The following RIN3 variants were observed in gnomAD, a reference collection of about 807,000 sequenced individuals.
RIN3 encodes RAB5 interacting protein 3.
In RIN3, 54 loss-of-function variants were observed where a neutral mutation model predicts 76.3. That is an observed-to-expected ratio of 0.71 (90% CI 0.57 to 0.89). The LOEUF (loss-of-function observed/expected upper bound fraction) is 0.89, where lower values mean the gene tolerates loss of function less well. Among genes scored for constraint, RIN3 ranks in the 40% least tolerant of loss-of-function variants. The pLI, the probability that RIN3 is intolerant of heterozygous loss-of-function variation, is 0.00. For missense variants in RIN3, 1,256 were observed against 1,322.1 expected, an observed-to-expected ratio of 0.95 and a Z score of 0.78; for synonymous variants, 576 against 564.0, an observed-to-expected ratio of 1.02 and a Z score of -0.30.
intron 6 of RIN3, among the ~76,000 whole-genome samples, chr14:92,658,494 G>A (rs1182753282): frequency 6.6e-6 from 1 of 152,172 alleles, no homozygotes. Context: ...ATGGGAGATG[G>A]GGGCCGTTGG....
intron 1 of RIN3, among the ~76,000 whole-genome samples, chr14:92,525,121 C>T (rs893021562): frequency 3.9e-5 from 6 of 152,152 alleles, no homozygotes; most frequent in African/African-American, 1.4e-4. Context: ...AGCCTTGTGT[C>T]ATGGTAGGTG....
intron 2 of RIN3, among the ~76,000 whole-genome samples, chr14:92,573,101 C>T (rs184938262): frequency 2.6e-5 from 4 of 151,908 alleles, no homozygotes; most frequent in Non-Finnish European, 5.9e-5. Context: ...AGGCTGGTCT[C>T]GAACTCCTGA....
chr14:92,651,483 GCCCTCCCACCCGTGGAC>G (rs1887416885), intron 5 of RIN3, 82 bp from the exon 6 acceptor site: 1 of 540,088 alleles, frequency 1.9e-6, no homozygotes, highest in Non-Finnish European at 3.2e-6. Context: ...GCCTTGAACA[GCCCTCCCACCCGTGGAC>G]CCCGCCCACA....
intron 4 of RIN3, among the ~76,000 whole-genome samples, chr14:92,622,415 G>A (rs1448323399): frequency 6.6e-6 from 1 of 152,150 alleles, no homozygotes; most frequent in Non-Finnish European, 1.5e-5. Context: ...ATTTGATAAG[G>A]CCATGCCTTC....
intron 3 of RIN3, among the ~76,000 whole-genome samples, chr14:92,588,778 C>T (rs569510716): frequency 6.6e-5 from 10 of 152,278 alleles, no homozygotes; most frequent in Non-Finnish European, 1.0e-4. Flanking sequence ...CCCTGAAAAC[C>T]TCTCTGGAAA....
intron 4 of RIN3, among the ~76,000 whole-genome samples, chr14:92,629,117 A>AAG (rs58288914): frequency 0.023 from 3,334 of 145,282 alleles, 57 homozygotes; most frequent in Non-Finnish European, 0.036. Context: ...CGGAAAGGAA[A>AAG]AGAGAGAGAG....
At chr14:92,608,251 C>T (rs141528971) in intron 3 of RIN3, among the ~76,000 whole-genome samples, 6 of 152,274 alleles carry the variant, frequency 3.9e-5, no homozygotes, top group Non-Finnish European at 5.9e-5. Context: ...TAATTATGAC[C>T]GATGTTACCA....
chr14:92,558,887 C>CTTTTTTTTTT (rs61202055), intron 2 of RIN3, among the ~76,000 whole-genome samples: 1 of 130,766 alleles, frequency 7.6e-6, no homozygotes. Context: ...CTTTTCTTTT[C>CTTTTTTTTTT]TTTTTTTTTT....
At chr14:92,518,431 A>G (rs1896503312) in intron 1 of RIN3, among the ~76,000 whole-genome samples, 2 of 152,148 alleles carry the variant, frequency 1.3e-5, no homozygotes, top group Non-Finnish European at 2.9e-5. Context: ...GGGCGGGGCT[A>G]AGTAGGGGGA....
intron 4 of RIN3, among the ~76,000 whole-genome samples, chr14:92,621,577 T>C (rs529062555): frequency 6.6e-6 from 1 of 152,202 alleles, no homozygotes; most frequent in Non-Finnish European, 1.5e-5. Context: ...TATAGGTAAA[T>C]TTAAACATTT....
intron 1 of RIN3, among the ~76,000 whole-genome samples, chr14:92,522,319 G>GGTGT (rs58386124): frequency 0.063 from 9,527 of 150,110 alleles, 1,009 homozygotes; most frequent in African/African-American, 0.22. Flanking sequence ...GTATGTATGT[G>GGTGT]GTGTGTGTGT....
At chr14:92,544,430 GT>G (rs1312367377) in intron 1 of RIN3, among the ~76,000 whole-genome samples, 5,864 of 23,174 alleles carry the variant, frequency 0.25, 63 homozygotes, top group Middle Eastern at 0.43. Flanking sequence ...GGGGGGGGGG[GT>G]GGGGGCGGGG....
intron 2 of RIN3, among the ~76,000 whole-genome samples, chr14:92,563,315 C>T (rs1003778245): frequency 1.5e-4 from 23 of 151,920 alleles, no homozygotes; most frequent in Admixed American, 1.3e-3. Context: ...GAGAAAAGAT[C>T]GCACCACTGC....
At chr14:92,653,987 C>T (rs1887568995) in intron 6 of RIN3, among the ~76,000 whole-genome samples, 1 of 152,082 alleles carries the variant, frequency 6.6e-6, no homozygotes, top group African/African-American at 2.4e-5. Flanking sequence ...CACTGTACTC[C>T]AGTCTGGGTG....
At chr14:92,645,555 C>T (rs892463291) in intron 5 of RIN3, among the ~76,000 whole-genome samples, 1 of 152,162 alleles carries the variant, frequency 6.6e-6, no homozygotes, top group Non-Finnish European at 1.5e-5. Context: ...CTAGAATAGG[C>T]AAATCCATAG....
intron 1 of RIN3, among the ~76,000 whole-genome samples, chr14:92,540,154 C>G (rs1350864108): frequency 6.6e-6 from 1 of 152,180 alleles, no homozygotes; most frequent in African/African-American, 2.4e-5. Context: ...CCTGCCAGAC[C>G]CCTTGATGTG....
Position 92,659,476 on chromosome 14 carries a change from GGGCA to G in RIN3, c.2335+9_2335+12del. The G allele has an allele frequency of 1.3e-5, 20 of 1,588,760 alleles. No individual in the cohort carries two copies. Among genetic ancestry groups the G allele is most frequent in the Non-Finnish European group, 1.7e-5 (20 of 1,168,176 alleles). Reference sequence around the variant, plus strand: ...ATGGCCCTCGGCAACCCAGGTCAGTGGGCAGCCGGGAGGGGTCTGGGTGAGGAGC... The same window carrying G: ...ATGGCCCTCGGCAACCCAGGTCAGTGGCCGGGAGGGGTCTGGGTGAGGAGC... On this transcript the variant is annotated splice_region_variant and intron_variant, in intron 7 of 9. Coordinates refer to ENST00000216487, the MANE Select transcript of RIN3 (RefSeq NM_024832.5).
In RIN3 at chr14:92,518,117, T is replaced by C. The variant is rs115358988; in HGVS notation, c.44+4141T>C. On this transcript the variant is annotated intron_variant, in intron 1 of 9. Transcript: ENST00000216487. ...CCTCTTCCATGTAGCCTTCTATCCA[T>C]GCCAGCTCACAGAGATTCCTCCTTT... Among the ~76,000 whole-genome samples the C allele has an allele frequency of 3.6e-3, 548 of 152,318 alleles. 3 individuals are homozygous for C. Among genetic ancestry groups the C allele is most frequent in the African/African-American group, 0.013 (526 of 41,578 alleles).
intron 1 of RIN3, 92 bp from the exon 2 acceptor site, chr14:92,555,659 A>G (rs1897554970): frequency 8.2e-7 from 1 of 1,222,282 alleles, no homozygotes; most frequent in Admixed American, 1.8e-5. Context: ...CTCATGCTGA[A>G]TAAGTAAGCG....
Sources: gnomAD v4.1 joint callset for allele counts (sites outside exome capture counted in the v4.1 genomes callset) on GRCh38, gnomAD v4.1.1 for gene constraint, MANE v1.5 for transcripts, NCBI Gene and HGNC (gene_info 2026-07-23, HGNC 2026-07-21) for gene names.